CCDC191: variants seen among roughly 807,000 people sequenced by gnomAD.
CCDC191 encodes coiled-coil domain containing 191, also known as coiled-coil domain-containing protein 191.
Under a neutral mutation model 114.0 loss-of-function variants are expected in CCDC191, and 99 were observed. The observed-to-expected ratio is 0.87, with a 90% confidence interval of 0.74 to 1.03. CCDC191 has a LOEUF of 1.03. Ranked by LOEUF, CCDC191 falls within the 50% of genes least tolerant of loss-of-function variation. The pLI, the probability that CCDC191 is intolerant of heterozygous loss-of-function variation, is 0.00. For missense variants in CCDC191, 973 were observed against 1,087.0 expected, an observed-to-expected ratio of 0.90 and a Z score of 1.47; for synonymous variants, 351 against 376.0, an observed-to-expected ratio of 0.93 and a Z score of 0.77.
chr3:114,037,237 T>A (rs1261619624), intron 4 of CCDC191: 1 of 152,236 alleles, frequency 6.6e-6, no homozygotes, highest in Non-Finnish European at 1.5e-5. Context: ...GTCAAGATAA[T>A]GAACATATCC....
At chr3:114,053,665 C>A in intron 1 of CCDC191, 30 bp from the exon 2 acceptor site, 4 of 1,496,214 alleles carry the variant, frequency 2.7e-6, no homozygotes, top group South Asian at 2.4e-5. Flanking sequence ...GATATCAATA[C>A]GCAGCAATAT....
chr3:113,990,622 T>C (rs1428008510), intron 13 of CCDC191, among the ~76,000 whole-genome samples: 1 of 150,772 alleles, frequency 6.6e-6, no homozygotes, highest in African/African-American at 2.4e-5. Flanking sequence ...AAATTTAATA[T>C]AAAATAATAA....
At chr3:113,972,329 T>C (rs1487140040) in intron 16 of CCDC191, among the ~76,000 whole-genome samples, 1 of 152,170 alleles carries the variant, frequency 6.6e-6, no homozygotes, top group Admixed American at 6.5e-5. Context: ...AATTTCTTCA[T>C]TGACCCATTG....
At chr3:113,971,609 G>A (rs985111396) in intron 16 of CCDC191, among the ~76,000 whole-genome samples, 5 of 152,218 alleles carry the variant, frequency 3.3e-5, no homozygotes, top group Admixed American at 6.5e-5. Flanking sequence ...TTGCATTTGT[G>A]TTCATCAGGG....
chr3:114,037,094 A>C, intron 4 of CCDC191: 1 of 168,646 alleles, frequency 5.9e-6, no homozygotes, highest in Non-Finnish European at 1.3e-5. Flanking sequence ...TGAGAGCTCT[A>C]CTGCTTTCAA....
rs116989475 is a variant in CCDC191 at position 114,034,916 on chromosome 3, C to G, written c.818+9G>C. The G allele has an allele frequency of 1.1e-3, 1,822 of 1,612,714 alleles. 31 individuals carry two copies. The East Asian group carries it at 0.033, about 29-fold the overall frequency. On this transcript the variant is annotated intron_variant, in intron 6 of 16. Transcript: ENST00000295878. ...GAGAAACCCCACAGTGCTTATCACA[C>G]TGGCTTACATTTTCCATGCTGCTTT...
chr3:114,042,653 A>G, intron 4 of CCDC191, 50 bp downstream of exon 4: 1 of 1,418,008 alleles, frequency 7.1e-7, no homozygotes, highest in South Asian at 1.5e-5. Context: ...AAGACTTCTT[A>G]GACACATTCA....
intron 13 of CCDC191, among the ~76,000 whole-genome samples, chr3:113,999,422 G>C (rs2075808027): frequency 1.3e-5 from 2 of 152,152 alleles, no homozygotes; most frequent in South Asian, 2.1e-4. Flanking sequence ...AGGGGAAACT[G>C]AACTACTACT....
intron 13 of CCDC191, among the ~76,000 whole-genome samples, chr3:113,992,875 T>C (rs1422137551): frequency 6.6e-6 from 1 of 152,102 alleles, no homozygotes; most frequent in South Asian, 2.1e-4. Flanking sequence ...TAGGCCAACA[T>C]ACCTGATGAA....
intron 1 of CCDC191, among the ~76,000 whole-genome samples, chr3:114,055,604 A>G (rs2076762079): frequency 6.6e-6 from 1 of 152,260 alleles, no homozygotes; most frequent in Non-Finnish European, 1.5e-5. Flanking sequence ...ACAGCTGGTG[A>G]AACTGCTCTG....
chr3:113,973,332 G>A (rs751719209), intron 16 of CCDC191, among the ~76,000 whole-genome samples: 1 of 152,178 alleles, frequency 6.6e-6, no homozygotes, highest in African/African-American at 2.4e-5. Flanking sequence ...AGAGTTATGA[G>A]TTGATTGCAC....
rs776214964 is a variant in CCDC191 at position 114,036,746 on chromosome 3, G to C, written c.456C>G (p.Thr152=). 1.9e-6 allele frequency: 3 copies of C among 1,582,128 alleles called. No individual in the cohort carries two copies. In the African/African-American group the frequency reaches 4.1e-5, roughly 21 times the overall value. ...GCAGATGGTCTATAAATTTTTGAAC[G>C]GTGGTACTTTCCTCTTCTTCCTCCA... is the stretch of plus-strand genomic sequence containing the variant. ...GYLEEEEEST[T]VQKFIDHLLH... Residue 152 remains threonine, a synonymous_variant, in exon 5 of 17, where the codon ACC becomes ACG. Transcript: ENST00000295878.
chr3:114,024,566 T>C (rs1010249059), intron 7 of CCDC191, among the ~76,000 whole-genome samples: 4 of 152,144 alleles, frequency 2.6e-5, no homozygotes, highest in African/African-American at 7.2e-5. Flanking sequence ...CAGATGAAGC[T>C]GGAAACCATC....
At chr3:113,972,869 A>G (rs1392477917) in intron 16 of CCDC191, among the ~76,000 whole-genome samples, 1 of 152,178 alleles carries the variant, frequency 6.6e-6, no homozygotes, top group South Asian at 2.1e-4. Flanking sequence ...TGATATAAGT[A>G]TAGCTATTCC....
intron 2 of CCDC191, 23 bp downstream of exon 2, chr3:114,053,574 T>G (rs2107768596): frequency 6.8e-7 from 1 of 1,477,322 alleles, no homozygotes; most frequent in East Asian, 2.3e-5. Flanking sequence ...ACTCTTTTTA[T>G]TCTAAATTTG....
chr3:114,013,420 C>T (rs953271526), intron 8 of CCDC191, among the ~76,000 whole-genome samples: 5 of 152,086 alleles, frequency 3.3e-5, no homozygotes, highest in Non-Finnish European at 7.4e-5. Flanking sequence ...GCATATAAGC[C>T]AATTTCTATA....
rs1410067230 is a variant in CCDC191 at position 114,046,590 on chromosome 3, C to T, written c.271+1G>A. The T allele has an allele frequency of 7.8e-6, 12 of 1,542,672 alleles. No homozygotes were observed. The Admixed American group carries it at 2.0e-4, about 26-fold the overall frequency. On this transcript the variant is annotated splice_donor_variant, in intron 3 of 16. Coordinates refer to ENST00000295878, the MANE Select transcript of CCDC191 (RefSeq NM_020817.2). LOFTEE classifies it high-confidence loss of function. ...TCGCAGCAGAAAATGCATTCTCTTA[C>T]CTTCTGCATAGATTTCATCATGATC...
chr3:114,028,275 A>ATTTTTTTTTTTTTTTTTTT (rs920211150), intron 7 of CCDC191, among the ~76,000 whole-genome samples: 1 of 126,880 alleles, frequency 7.9e-6, no homozygotes, highest in Non-Finnish European at 1.6e-5. Context: ...AATTCTAAAA[A>ATTTTTTTTTTTTTTTTTTT]TTTTTTTTTT....
rs563222564 is a variant in CCDC191, at chr3:114,018,760, G to A, written c.1081C>T (p.Arg361Trp). ...SDWKIQLKVLRAWRDYTRFQK... is the reference protein window; with the variant it reads ...SDWKIQLKVLWAWRDYTRFQK... ...AATCTTGTGTAGTCTCTCCAGGCCC[G>A]CAGGACCTTCAGCTGAATCTTCCAG... The change falls in exon 8 of 17, where the codon CGG becomes TGG. Residue 361 changes from arginine to tryptophan, a missense_variant. By Grantham distance (101) the Arg-to-Trp change is moderately radical. Coordinates refer to ENST00000295878, the MANE Select transcript of CCDC191 (RefSeq NM_020817.2). The A allele has an allele frequency of 2.2e-5, 36 of 1,613,372 alleles. No homozygotes were observed. The highest frequency in any genetic ancestry group is 3.3e-5 in the South Asian group (3 of 91,028).
Sources: allele counts gnomAD v4.1 joint callset (sites outside exome capture counted in the v4.1 genomes callset), GRCh38; gene constraint gnomAD v4.1.1; transcripts MANE v1.5; gene names NCBI Gene and HGNC (gene_info 2026-07-23, HGNC 2026-07-21).